Variants in GRAMD1C observed in about 807,000 individuals in gnomAD.
GRAMD1C encodes protein Aster-C.
In GRAMD1C, 89 loss-of-function variants were observed where a neutral mutation model predicts 97.8. The ratio of observed to expected loss-of-function variants is 0.91; its 90% CI spans 0.77 to 1.09. The LOEUF (loss-of-function observed/expected upper bound fraction) is 1.09, where lower values mean the gene tolerates loss of function less well. Ranked by LOEUF, GRAMD1C falls within the 50% of genes least tolerant of loss-of-function variation. The pLI, the probability that GRAMD1C is intolerant of heterozygous loss-of-function variation, is 0.00. For missense variants in GRAMD1C, 740 were observed against 766.4 expected (o/e 0.97, Z 0.41); for synonymous variants, 256 against 267.0 (o/e 0.96, Z 0.40).
At chr3:113,925,505 A>ACAAT (rs57129879) in intron 10 of GRAMD1C, among the ~76,000 whole-genome samples, 1 of 148,002 alleles carries the variant, frequency 6.8e-6, no homozygotes, top group Non-Finnish European at 1.5e-5. Flanking sequence ...AAACAAACAA[A>ACAAT]ACCCAGCATA....
chr3:113,887,156 G>A (rs538703961), intron 6 of GRAMD1C, among the ~76,000 whole-genome samples: 2 of 144,158 alleles, frequency 1.4e-5, no homozygotes, highest in South Asian at 4.5e-4. Context: ...TGCAGTGGTG[G>A]CACAATCTCA....
intron 1 of GRAMD1C, among the ~76,000 whole-genome samples, chr3:113,830,242 G>A (rs574662639): frequency 7.2e-5 from 11 of 152,280 alleles, no homozygotes; most frequent in African/African-American, 2.6e-4. Flanking sequence ...CAGGCACCAT[G>A]TTGCCTGCCT....
At chr3:113,908,517 C>T (rs1001827662) in intron 8 of GRAMD1C, among the ~76,000 whole-genome samples, 2 of 152,070 alleles carry the variant, frequency 1.3e-5, no homozygotes, top group African/African-American at 4.8e-5. Context: ...ATTTTCTTTC[C>T]ATTTCCCTGT....
At chr3:113,874,460 C>T (rs1486233021) in intron 3 of GRAMD1C, among the ~76,000 whole-genome samples, 4 of 151,968 alleles carry the variant, frequency 2.6e-5, no homozygotes, top group Non-Finnish European at 2.9e-5. Flanking sequence ...GAGATTCTCC[C>T]ACCTCAGCCT....
chr3:113,876,799 G>A (rs1935056019), intron 5 of GRAMD1C, among the ~76,000 whole-genome samples: 1 of 149,420 alleles, frequency 6.7e-6, no homozygotes, highest in Admixed American at 6.7e-5. Context: ...GACATTAGAA[G>A]TGTAGTGATG....
At chr3:113,863,086 A>G (rs1180881611) in intron 2 of GRAMD1C, among the ~76,000 whole-genome samples, 3 of 152,218 alleles carry the variant, frequency 2.0e-5, no homozygotes, top group African/African-American at 7.2e-5. Context: ...TCTCTTAGAT[A>G]TATACCCCAG....
At chr3:113,841,565 G>T (rs1270876641) in intron 1 of GRAMD1C, among the ~76,000 whole-genome samples, 1 of 152,078 alleles carries the variant, frequency 6.6e-6, no homozygotes, top group Non-Finnish European at 1.5e-5. Context: ...TGAGATTACA[G>T]CATGGCGTGA....
At chr3:113,888,524 C>T (rs1009926681) in intron 6 of GRAMD1C, among the ~76,000 whole-genome samples, 1 of 152,106 alleles carries the variant, frequency 6.6e-6, no homozygotes, top group Non-Finnish European at 1.5e-5. Flanking sequence ...GGCAAGCAAG[C>T]AAATGATAAC....
At chr3:113,937,986 C>G (rs1963015) in intron 14 of GRAMD1C, 100 bp from the exon 15 acceptor site, 217,445 of 573,410 alleles carry the variant, frequency 0.38, 40,723 homozygotes, top group African/African-American at 0.46. Flanking sequence ...GCCTGGGCAA[C>G]AAGAGCGAAA....
intron 7 of GRAMD1C, 35 bp downstream of exon 7, chr3:113,901,181 C>T (rs765391091): frequency 9.7e-7 from 1 of 1,032,092 alleles, no homozygotes; most frequent in Non-Finnish European, 1.5e-6. Flanking sequence ...CAAAATTTAT[C>T]AATTATTAAT....
chr3:113,933,196 T>TA (rs200273490), intron 11 of GRAMD1C, among the ~76,000 whole-genome samples: 2 of 152,088 alleles, frequency 1.3e-5, no homozygotes, highest in African/African-American at 2.4e-5. Context: ...AATTTTTTAT[T>TA]AAAAAAAATT....
At chr3:113,857,212 C>T (rs769136023) in intron 2 of GRAMD1C, among the ~76,000 whole-genome samples, 1 of 152,090 alleles carries the variant, frequency 6.6e-6, no homozygotes, top group Non-Finnish European at 1.5e-5. Context: ...GTTGCACTGG[C>T]TGAAACTTCC....
intron 13 of GRAMD1C, among the ~76,000 whole-genome samples, 187 bp downstream of exon 13, chr3:113,934,722 G>A (rs1339093533): frequency 6.6e-6 from 1 of 152,018 alleles, no homozygotes; most frequent in Non-Finnish European, 1.5e-5. Flanking sequence ...ATTTTCATTG[G>A]TCAAACAAAC....
chr3:113,885,772 A>G lies in GRAMD1C; in HGVS notation c.540+2940A>G, dbSNP rs1935452768. On this transcript the variant is annotated intron_variant, in intron 6 of 17. Coordinates refer to ENST00000358160, the MANE Select transcript of GRAMD1C (RefSeq NM_017577.5). The stretch of plus-strand genomic sequence containing the variant: ...ATCCTTAAGAGGAGATATTACAGAC[A>G]GCACTGCACTTTGCAGTTGAGCAGC... 4 of 1,595,486 alleles carry G rather than the reference A, an allele frequency of 2.5e-6. No homozygotes were observed. In the South Asian group the frequency reaches 3.3e-5, roughly 13 times the overall value.
intron 2 of GRAMD1C, chr3:113,850,253 C>T: frequency 1.6e-6 from 1 of 637,844 alleles, no homozygotes. Flanking sequence ...AGGTGGCTGA[C>T]CACGTCCACG....
intron 6 of GRAMD1C, chr3:113,886,075 G>C (rs1935465038): frequency 8.5e-7 from 1 of 1,173,718 alleles, no homozygotes; most frequent in Non-Finnish European, 1.1e-6. Flanking sequence ...GGGGCGGGGG[G>C]GAAAGGGATG....
chr3:113,890,931 C>A, intron 6 of GRAMD1C: 1 of 516,112 alleles, frequency 1.9e-6, no homozygotes, highest in Non-Finnish European at 3.4e-6. Context: ...CCCACCATAG[C>A]CAAGAAACAC....
At chr3:113,887,079 C>CTTTTTG (rs1559795565) in intron 6 of GRAMD1C, among the ~76,000 whole-genome samples, 25 of 97,460 alleles carry the variant, frequency 2.6e-4, no homozygotes, top group African/African-American at 3.8e-4. Context: ...TGCGCCTGGC[C>CTTTTTG]TTTTTGTTTT....
At chr3:113,930,402 G>T (rs1937365815) in intron 10 of GRAMD1C, among the ~76,000 whole-genome samples, 1 of 152,062 alleles carries the variant, frequency 6.6e-6, no homozygotes. Context: ...CTCTTCATAG[G>T]TACTGAGGAC....
Sources: allele counts gnomAD v4.1 joint callset (sites outside exome capture counted in the v4.1 genomes callset), GRCh38; gene constraint gnomAD v4.1.1; transcripts MANE v1.5; gene names NCBI Gene and HGNC (gene_info 2026-07-23, HGNC 2026-07-21).